The following DLGAP2 variants were observed in gnomAD, a reference collection of about 807,000 sequenced individuals.
The protein encoded by DLGAP2 is disks large-associated protein 2.
A neutral mutation model predicts 100.3 loss-of-function variants in DLGAP2; 26 were observed. That is an observed-to-expected ratio of 0.26 (90% CI 0.19 to 0.36). The LOEUF (loss-of-function observed/expected upper bound fraction) is 0.36, where lower values mean the gene tolerates loss of function less well. Ranked by LOEUF, DLGAP2 falls within the 10% of genes least tolerant of loss-of-function variation. DLGAP2 has a pLI of 1.00. For synonymous variants in DLGAP2, 886 were observed against 630.1 expected (o/e 1.41, Z -6.08); for missense variants, 1,858 against 1,453.2 (o/e 1.28, Z -4.53).
chr8:804,327 T>C (rs1010067874), intron 1 of DLGAP2, among the ~76,000 whole-genome samples: 4 of 152,228 alleles, frequency 2.6e-5, no homozygotes, highest in African/African-American at 7.2e-5. Context: ...GAGACTCTTA[T>C]GTAAGTTCAA....
chr8:1,202,430 G>T (rs1052056198), intron 2 of DLGAP2, among the ~76,000 whole-genome samples: 8 of 152,092 alleles, frequency 5.3e-5, no homozygotes, highest in Non-Finnish European at 8.8e-5. Context: ...AGGACTGTGA[G>T]GATGTGTGGT....
In DLGAP2 at chr8:1,303,402, C is replaced by CAAA. The variant is rs374350701; in HGVS notation, c.106+44542_106+44544dup. Among the ~76,000 whole-genome samples, 32 of 125,336 alleles carry CAAA rather than the reference C, an allele frequency of 2.6e-4. No homozygotes were observed. The South Asian group carries it at 6.6e-3, about 26-fold the overall frequency. The allele number at this position is 125,336 out of a possible 152,430, so 82.2% of individuals were successfully genotyped here. A position where few individuals can be genotyped will look rare whatever the true frequency, so the allele number is the denominator to read the frequency against. On this transcript the variant is annotated intron_variant, in intron 3 of 14. Coordinates refer to ENST00000637795, the MANE Select transcript of DLGAP2 (RefSeq NM_001346810.2). ...ACAGAGCGAGACTCCGTCTCAAAAA[C>CAAA]AAAAAAAAAAAAAAAAAAAAAAAAA...
chr8:812,878 C>T (rs1369766381), intron 1 of DLGAP2, among the ~76,000 whole-genome samples: 2 of 152,076 alleles, frequency 1.3e-5, no homozygotes, highest in African/African-American at 2.4e-5. Flanking sequence ...TAGTAAAATT[C>T]CTATTTAAGT....
intron 3 of DLGAP2, among the ~76,000 whole-genome samples, chr8:1,374,105 G>GGCTGTGT (rs1411069501): frequency 1.6e-4 from 24 of 149,100 alleles, no homozygotes; most frequent in Middle Eastern, 3.4e-3. Context: ...GTTTGCAGAG[G>GGCTGTGT]ACTGTGTGGT....
chr8:1,341,973 C>T (rs763360180), intron 3 of DLGAP2, among the ~76,000 whole-genome samples: 7 of 152,150 alleles, frequency 4.6e-5, no homozygotes, highest in Admixed American at 1.3e-4. Context: ...TTTTTTGAGA[C>T]GGCATCTCTC....
chr8:1,197,944 T>C (rs781407017), intron 2 of DLGAP2, among the ~76,000 whole-genome samples: 9 of 152,182 alleles, frequency 5.9e-5, no homozygotes, highest in African/African-American at 1.2e-4. Flanking sequence ...GGCCCACATG[T>C]GCATCTGTCC....
At chr8:741,494 T>C (rs993243909) in intron 1 of DLGAP2, among the ~76,000 whole-genome samples, 1 of 152,198 alleles carries the variant, frequency 6.6e-6, no homozygotes, top group Non-Finnish European at 1.5e-5. Flanking sequence ...GAGAGGGGCC[T>C]GGGTGTTCTG....
chr8:826,998 C>T (rs1796696034), intron 1 of DLGAP2, among the ~76,000 whole-genome samples: 1 of 152,176 alleles, frequency 6.6e-6, no homozygotes, highest in African/African-American at 2.4e-5. Context: ...GAGATGTTTG[C>T]TGTTTCCCCT....
At chr8:1,098,368 C>T (rs1041709454) in intron 2 of DLGAP2, among the ~76,000 whole-genome samples, 2 of 152,244 alleles carry the variant, frequency 1.3e-5, no homozygotes, top group East Asian at 1.9e-4. Flanking sequence ...CCCTGGAACG[C>T]GCTTCTGGAA....
chr8:1,037,550 C>A (rs1802170143), intron 2 of DLGAP2, among the ~76,000 whole-genome samples: 2 of 152,190 alleles, frequency 1.3e-5, no homozygotes, highest in African/African-American at 2.4e-5. Flanking sequence ...CATCTGCTGT[C>A]CCTCCCGGCA....
intron 2 of DLGAP2, among the ~76,000 whole-genome samples, chr8:1,154,929 C>G (rs888659606): frequency 3.3e-5 from 5 of 152,214 alleles, no homozygotes; most frequent in Non-Finnish European, 7.3e-5. Flanking sequence ...CCATGTCTCT[C>G]TTCTTACTGT....
chr8:1,273,926 A>G (rs973578706), intron 3 of DLGAP2, among the ~76,000 whole-genome samples: 62 of 152,186 alleles, frequency 4.1e-4, no homozygotes, highest in Admixed American at 2.0e-4. Flanking sequence ...GACTCTGGAC[A>G]ATAAGGTGTG....
At chr8:1,048,206 G>A (rs1478948986) in intron 2 of DLGAP2, among the ~76,000 whole-genome samples, 3 of 152,270 alleles carry the variant, frequency 2.0e-5, no homozygotes, top group South Asian at 2.1e-4. Context: ...TGAAGAGCAC[G>A]TAGATCGCTC....
chr8:825,134 C>T (rs1004038981), intron 1 of DLGAP2, among the ~76,000 whole-genome samples: 3 of 152,134 alleles, frequency 2.0e-5, no homozygotes, highest in Admixed American at 6.5e-5. Context: ...TTCCTCTGCC[C>T]TCACTGTCCC....
intron 2 of DLGAP2, among the ~76,000 whole-genome samples, chr8:914,360 C>G (rs901697678): frequency 6.6e-6 from 1 of 152,214 alleles, no homozygotes; most frequent in Admixed American, 6.5e-5. Context: ...AAAAAAGCCA[C>G]GTTCCTCATA....
intron 1 of DLGAP2, among the ~76,000 whole-genome samples, chr8:826,721 G>C (rs1796691007): frequency 6.6e-6 from 1 of 152,160 alleles, no homozygotes; most frequent in Non-Finnish European, 1.5e-5. Flanking sequence ...ATGCTGACTT[G>C]TCTCTTCTGC....
intron 3 of DLGAP2, among the ~76,000 whole-genome samples, chr8:1,313,947 A>T (rs1026682527): frequency 5.9e-5 from 9 of 152,196 alleles, no homozygotes; most frequent in Non-Finnish European, 1.2e-4. Flanking sequence ...ATCACACTTC[A>T]GTATTGGTTA....
intron 2 of DLGAP2, among the ~76,000 whole-genome samples, chr8:1,101,355 A>G (rs1585059648): frequency 6.6e-6 from 1 of 152,200 alleles, no homozygotes; most frequent in Non-Finnish European, 1.5e-5. Context: ...GTAAGTGAGC[A>G]TGCTGTTTAT....
intron 1 of DLGAP2, among the ~76,000 whole-genome samples, chr8:822,740 A>C (rs1204495081): frequency 6.6e-6 from 1 of 152,138 alleles, no homozygotes; most frequent in East Asian, 1.9e-4. Context: ...GCAGGAGTGC[A>C]TGTCCACAGG....
Sources: gnomAD v4.1 joint callset for allele counts (sites outside exome capture counted in the v4.1 genomes callset) on GRCh38, gnomAD v4.1.1 for gene constraint, MANE v1.5 for transcripts, NCBI Gene and HGNC (gene_info 2026-07-23, HGNC 2026-07-21) for gene names.